Variants in GRID1 observed in about 807,000 individuals in gnomAD.
The protein encoded by GRID1 is glutamate receptor ionotropic, delta-1.
Under a neutral mutation model 98.0 loss-of-function variants are expected in GRID1, and 28 were observed. That is an observed-to-expected ratio of 0.29 (90% CI 0.21 to 0.39). The LOEUF (loss-of-function observed/expected upper bound fraction) is 0.39, where lower values mean the gene tolerates loss of function less well. Ranked by LOEUF, GRID1 falls within the 10% of genes least tolerant of loss-of-function variation. The pLI is 1.00. For synonymous variants in GRID1, 553 were observed against 538.5 expected, an observed-to-expected ratio of 1.03 and a Z score of -0.37; for missense variants, 1,111 against 1,340.5, an observed-to-expected ratio of 0.83 and a Z score of 2.67.
chr10:85,759,640 G>A (rs542727689), intron 8 of GRID1, among the ~76,000 whole-genome samples: 1 of 152,268 alleles, frequency 6.6e-6, no homozygotes, highest in South Asian at 2.1e-4. Flanking sequence ...TCCATAATTA[G>A]GTCTTGGAGA....
chr10:85,832,316 A>G (rs982357130), intron 8 of GRID1, among the ~76,000 whole-genome samples: 5 of 152,272 alleles, frequency 3.3e-5, no homozygotes, highest in African/African-American at 1.2e-4. Context: ...TAAGAGCCCC[A>G]GCATTCAATA....
intron 4 of GRID1, among the ~76,000 whole-genome samples, chr10:86,032,081 T>A (rs1843192857): frequency 6.6e-6 from 1 of 152,236 alleles, no homozygotes; most frequent in African/African-American, 2.4e-5. Flanking sequence ...TATCTGGTTG[T>A]TACCTGTCCC....
chr10:85,997,002 G>A (rs1438006157), intron 4 of GRID1, among the ~76,000 whole-genome samples: 4 of 151,912 alleles, frequency 2.6e-5, no homozygotes, highest in Non-Finnish European at 5.9e-5. Flanking sequence ...CAATTAAACT[G>A]CTAAAAACTA....
chr10:85,743,105 G>GCCCCCCCCCCCCCCCCCCC (rs4031782), intron 8 of GRID1, among the ~76,000 whole-genome samples: 1 of 82,670 alleles, frequency 1.2e-5, no homozygotes, highest in Non-Finnish European at 2.4e-5. Flanking sequence ...GAATTATGCA[G>GCCCCCCCCCCCCCCCCCCC]CCCCCCCCCC....
intron 2 of GRID1, among the ~76,000 whole-genome samples, chr10:86,226,215 C>G (rs1420896504): frequency 1.3e-5 from 2 of 151,980 alleles, no homozygotes; most frequent in East Asian, 3.9e-4. Flanking sequence ...CCACCCACCC[C>G]TGGCCGTCAC....
intron 2 of GRID1, among the ~76,000 whole-genome samples, chr10:86,312,548 A>C (rs1847844935): frequency 6.6e-6 from 1 of 152,194 alleles, no homozygotes; most frequent in Non-Finnish European, 1.5e-5. Context: ...CTTAGACCCC[A>C]AGGGCCAGTG....
At chr10:85,830,610 T>C (rs1284673894) in intron 8 of GRID1, among the ~76,000 whole-genome samples, 5 of 151,800 alleles carry the variant, frequency 3.3e-5, no homozygotes, top group African/African-American at 1.2e-4. Flanking sequence ...GGAACTTAAA[T>C]GAATTTACAA....
chr10:85,649,556 T>C (rs1843239276), intron 12 of GRID1, among the ~76,000 whole-genome samples: 1 of 152,020 alleles, frequency 6.6e-6, no homozygotes, highest in South Asian at 2.1e-4. Context: ...CTTTGATGAA[T>C]GAGAAACATC....
At chr10:86,133,324 A>G (rs11201893) in intron 4 of GRID1, among the ~76,000 whole-genome samples, 18 of 151,780 alleles carry the variant, frequency 1.2e-4, no homozygotes, top group African/African-American at 3.9e-4. Flanking sequence ...CCATGTGTGC[A>G]TGTGTGTGTG....
intron 12 of GRID1, among the ~76,000 whole-genome samples, chr10:85,679,009 A>C (rs1481632090): frequency 1.3e-5 from 2 of 152,212 alleles, no homozygotes; most frequent in Non-Finnish European, 2.9e-5. Context: ...ACTCTCAAAC[A>C]ACACTGATGA....
chr10:86,218,167 C>T (rs1248311974), intron 2 of GRID1, among the ~76,000 whole-genome samples: 1 of 151,794 alleles, frequency 6.6e-6, no homozygotes. Context: ...TGTGTGTGTG[C>T]TTGTGCGCGT....
At chr10:86,010,588 G>A (rs1842913032) in intron 4 of GRID1, among the ~76,000 whole-genome samples, 2 of 152,146 alleles carry the variant, frequency 1.3e-5, no homozygotes, top group Admixed American at 1.3e-4. Context: ...GGAGGCCGAG[G>A]AGAATGGATT....
intron 8 of GRID1, among the ~76,000 whole-genome samples, chr10:85,779,034 G>A (rs1400179588): frequency 6.6e-6 from 1 of 152,186 alleles, no homozygotes; most frequent in African/African-American, 2.4e-5. Context: ...AACAGTTCTG[G>A]AAATGATTTA....
intron 2 of GRID1, among the ~76,000 whole-genome samples, chr10:86,221,744 T>C (rs533824612): frequency 6.6e-6 from 1 of 152,208 alleles, no homozygotes; most frequent in East Asian, 1.9e-4. Context: ...CCCAGAAGTC[T>C]TTGGATGATC....
intron 2 of GRID1, among the ~76,000 whole-genome samples, chr10:86,333,245 A>G (rs1848174587): frequency 6.6e-6 from 1 of 152,080 alleles, no homozygotes; most frequent in Non-Finnish European, 1.5e-5. Context: ...AACCTGGTCA[A>G]CTCCTATCCA....
At chr10:85,870,051 G>C (rs187487027) in intron 5 of GRID1, among the ~76,000 whole-genome samples, 1 of 152,188 alleles carries the variant, frequency 6.6e-6, no homozygotes, top group African/African-American at 2.4e-5. Context: ...AGGATGCAAA[G>C]TATTGTTCCT....
At chr10:86,328,496 G>T (rs902083950) in intron 2 of GRID1, among the ~76,000 whole-genome samples, 1 of 152,218 alleles carries the variant, frequency 6.6e-6, no homozygotes, top group Non-Finnish European at 1.5e-5. Context: ...CATGAGCAGC[G>T]GTGCTCTGCA....
rs1841806372 is a variant in GRID1, at chr10:85,928,495, C to T, written c.727-12256G>A. The stretch of plus-strand genomic sequence containing the variant: ...CAGGCTTGGCCTGCAGACACCAAGT[C>T]ACTCCAGCTGCAGAACTGGTGACCT... On this transcript the variant is annotated intron_variant, in intron 4 of 15. Transcript: ENST00000327946. Among the ~76,000 whole-genome samples the T allele has an allele frequency of 2.0e-5, 3 of 152,342 alleles. No individual in the cohort carries two copies. The South Asian group carries it at 6.2e-4, about 32-fold the overall frequency.
intron 3 of GRID1, among the ~76,000 whole-genome samples, chr10:86,141,215 C>T (rs1241000957): frequency 6.6e-6 from 1 of 152,162 alleles, no homozygotes; most frequent in African/African-American, 2.4e-5. Flanking sequence ...GTGCTCCAGG[C>T]CCCCAACACA....
Sources: allele counts gnomAD v4.1 joint callset (sites outside exome capture counted in the v4.1 genomes callset), GRCh38; gene constraint gnomAD v4.1.1; transcripts MANE v1.5; gene names NCBI Gene and HGNC (gene_info 2026-07-23, HGNC 2026-07-21).